Variants in MTFR1 observed in about 807,000 individuals in gnomAD.
MTFR1 encodes chondrocyte protein with a poly-proline region.
Under a neutral mutation model 38.8 loss-of-function variants are expected in MTFR1, and 28 were observed. That is an observed-to-expected ratio of 0.72 (90% CI 0.53 to 0.99). The LOEUF is 0.99. Ranked by LOEUF, MTFR1 falls within the 50% of genes least tolerant of loss-of-function variation. The pLI is 0.00. For synonymous variants in MTFR1, 145 were observed against 137.0 expected (o/e 1.06, Z -0.41); for missense variants, 358 against 395.5 (o/e 0.91, Z 0.81).
At chr8:65,686,595 A>G in intron 3 of MTFR1, among the ~76,000 whole-genome samples, 2 of 149,292 alleles carry the variant, frequency 1.3e-5, no homozygotes, top group East Asian at 2.0e-4. Context: ...AAAAAAAAAA[A>G]AAAAAGGCAC....
exon 4 of MTFR1, chr8:65,771,060 CA>C (rs1318716450): frequency 2.7e-6 from 1 of 370,256 alleles, no homozygotes; most frequent in Admixed American, 3.3e-5. Context: ...CAATCCAAAC[CA>C]CAATAATTCA....
At chr8:65,661,219 AGAT>A (rs1451412864) in intron 1 of MTFR1, among the ~76,000 whole-genome samples, 2 of 152,364 alleles carry the variant, frequency 1.3e-5, no homozygotes, top group East Asian at 1.9e-4. Flanking sequence ...TGTGGACTTT[AGAT>A]GATGATGTGT....
intron 1 of MTFR1, among the ~76,000 whole-genome samples, chr8:65,662,015 CTCTCCCTCTCTCTCTCCCTCT>C (rs1809430382): frequency 1.4e-5 from 2 of 141,146 alleles, no homozygotes; most frequent in Non-Finnish European, 1.5e-5. Context: ...CTCCCTCTCT[CTCTCCCTCTCTCTCTCCCTCT>C]CTCTCCCTCT....
intron 3 of MTFR1, among the ~76,000 whole-genome samples, chr8:65,764,793 CA>C (rs1375924716): frequency 6.6e-6 from 1 of 152,068 alleles, no homozygotes; most frequent in Non-Finnish European, 1.5e-5. Context: ...GAAACAACTC[CA>C]AATCAAATAC....
chr8:65,664,473 C>A (rs2129049905), intron 1 of MTFR1, among the ~76,000 whole-genome samples: 1 of 152,044 alleles, frequency 6.6e-6, no homozygotes, highest in Middle Eastern at 3.4e-3. Flanking sequence ...TGACTCAGTT[C>A]TTAAACTGTT....
chr8:65,687,747 C>T (rs972048670), intron 3 of MTFR1, among the ~76,000 whole-genome samples: 3 of 152,116 alleles, frequency 2.0e-5, no homozygotes, highest in Non-Finnish European at 4.4e-5. Flanking sequence ...TTGTTCTTTA[C>T]ACAGGTATAT....
chr8:65,703,418 G>GTTT (rs1805674446), intron 4 of MTFR1, among the ~76,000 whole-genome samples: 2 of 84,742 alleles, frequency 2.4e-5, no homozygotes, highest in African/African-American at 1.1e-4. Context: ...TGATGTCTCT[G>GTTT]GTTTTTTTTT....
At chr8:65,769,896 C>CA (rs1033632958) in intron 3 of MTFR1, among the ~76,000 whole-genome samples, 1 of 151,548 alleles carries the variant, frequency 6.6e-6, no homozygotes, top group East Asian at 1.9e-4. Flanking sequence ...AACTCTGTCT[C>CA]AAAAAAACAA....
intron 3 of MTFR1, among the ~76,000 whole-genome samples, chr8:65,741,989 T>C (rs1216461246): frequency 1.3e-5 from 2 of 152,202 alleles, no homozygotes; most frequent in African/African-American, 4.8e-5. Flanking sequence ...ACTACCCATA[T>C]GTAATTGAAA....
chr8:65,657,133 C>T (rs1416996086), intron 1 of MTFR1, among the ~76,000 whole-genome samples: 1 of 151,834 alleles, frequency 6.6e-6, no homozygotes, highest in Non-Finnish European at 1.5e-5. Context: ...CCTGCCTCAG[C>T]CTCCCAAGTA....
chr8:65,655,961 T>C (rs1328220479), intron 1 of MTFR1, among the ~76,000 whole-genome samples: 3 of 33,006 alleles, frequency 9.1e-5, no homozygotes, highest in Non-Finnish European at 1.7e-4. Context: ...AATATATATA[T>C]ATATATACCA....
rs545393931 is a variant in MTFR1 at position 65,668,534 on chromosome 8, T to C, written c.-80-1339T>C. On this transcript the variant is annotated intron_variant, in intron 1 of 7. Transcript: ENST00000262146. ...TTTGTTTTTCTTTTTTCTTTTTTTTTTTTTTTTTAAGACGGAGTCACTCTG... is the reference window on the plus strand; with the variant it reads ...TTTGTTTTTCTTTTTTCTTTTTTTTCTTTTTTTTAAGACGGAGTCACTCTG... Among the ~76,000 whole-genome samples the C allele has an allele frequency of 6.0e-5, 9 of 149,204 alleles. No individual in the cohort carries two copies. The East Asian group carries it at 1.6e-3, about 26-fold the overall frequency.
intron 3 of MTFR1, among the ~76,000 whole-genome samples, chr8:65,744,244 A>G (rs1807573079): frequency 6.6e-6 from 1 of 152,224 alleles, no homozygotes. Flanking sequence ...ACAACAAAAA[A>G]AAACAGGCAT....
intron 1 of MTFR1, among the ~76,000 whole-genome samples, chr8:65,663,022 G>C (rs919762428): frequency 3.3e-5 from 5 of 152,146 alleles, no homozygotes; most frequent in African/African-American, 9.7e-5. Context: ...CACCCTGTCT[G>C]GGAGGTGTAC....
chr8:65,768,433 T>C (rs1482950861), intron 3 of MTFR1, among the ~76,000 whole-genome samples: 1 of 152,108 alleles, frequency 6.6e-6, no homozygotes, highest in Non-Finnish European at 1.5e-5. Context: ...TCTCATGGTT[T>C]TAAAAAGGGG....
the MTFR1 span, among the ~76,000 whole-genome samples, chr8:65,777,654 GTGGA>G: frequency 1.3e-5 from 2 of 152,134 alleles, no homozygotes; most frequent in African/African-American, 2.4e-5. Context: ...TTCAGAGTTT[GTGGA>G]TGATATTTTT....
intron 1 of MTFR1, among the ~76,000 whole-genome samples, chr8:65,663,497 C>A (rs959820687): frequency 6.0e-5 from 9 of 149,990 alleles, no homozygotes; most frequent in Non-Finnish European, 1.2e-4. Flanking sequence ...GCCAAATCCC[C>A]CTCTGCGAGA....
intron 3 of MTFR1, chr8:65,745,530 G>A: frequency 2.2e-6 from 2 of 916,190 alleles, no homozygotes; most frequent in Non-Finnish European, 3.6e-6. Flanking sequence ...GTCTTTTGGA[G>A]ATATTCCATA....
chr8:65,766,632 T>G (rs979003472), intron 3 of MTFR1, among the ~76,000 whole-genome samples: 1 of 152,216 alleles, frequency 6.6e-6, no homozygotes, highest in Non-Finnish European at 1.5e-5. Flanking sequence ...CTCTCTCCCA[T>G]GCATCACCCT....
Sources: gnomAD v4.1 joint callset for allele counts (sites outside exome capture counted in the v4.1 genomes callset) on GRCh38, gnomAD v4.1.1 for gene constraint, MANE v1.5 for transcripts, NCBI Gene and HGNC (gene_info 2026-07-23, HGNC 2026-07-21) for gene names.